The following ARHGAP44 variants were observed in gnomAD, a reference collection of about 807,000 sequenced individuals.
ARHGAP44 encodes rho GTPase-activating protein 44.
A neutral mutation model predicts 106.8 loss-of-function variants in ARHGAP44; 43 were observed. The ratio of observed to expected loss-of-function variants is 0.40; its 90% CI spans 0.32 to 0.52. The LOEUF (loss-of-function observed/expected upper bound fraction) is 0.52. ARHGAP44 is among the 20% of genes least tolerant of loss of function. ARHGAP44 has a pLI of 0.48. For missense variants in ARHGAP44, 866 were observed against 1,050.5 expected (o/e 0.82, Z 2.43); for synonymous variants, 439 against 410.3 (o/e 1.07, Z -0.85).
chr17:12,796,623 G>T (rs2033929980), intron 1 of ARHGAP44, among the ~76,000 whole-genome samples: 1 of 149,698 alleles, frequency 6.7e-6, no homozygotes, highest in South Asian at 2.1e-4. Context: ...TTGAGATGGA[G>T]TCTCACTCTG....
At chr17:12,862,692 A>G (rs2036121332) in intron 1 of ARHGAP44, among the ~76,000 whole-genome samples, 1 of 152,126 alleles carries the variant, frequency 6.6e-6, no homozygotes, top group Admixed American at 6.5e-5. Context: ...GAGCTGGTAG[A>G]ATCCTTTTTA....
chr17:12,952,630 G>A, intron 13 of ARHGAP44, 49 bp downstream of exon 13: 4 of 1,404,342 alleles, frequency 2.8e-6, no homozygotes, highest in Non-Finnish European at 3.9e-6. Flanking sequence ...GCTTATGTAA[G>A]CCTCAGAGAT....
intron 1 of ARHGAP44, among the ~76,000 whole-genome samples, chr17:12,833,930 G>GCACC (rs1234025462): frequency 6.6e-6 from 1 of 151,596 alleles, no homozygotes; most frequent in Non-Finnish European, 1.5e-5. Flanking sequence ...AGGGTAGCAG[G>GCACC]CTTCAGAGAG....
intron 3 of ARHGAP44, among the ~76,000 whole-genome samples, chr17:12,897,434 C>CT (rs11464642): frequency 0.3 from 42,189 of 140,480 alleles, 6,874 homozygotes; most frequent in Non-Finnish European, 0.39. Context: ...CGAGTCATTT[C>CT]TTTTTTTTTT....
rs571282509 is a variant in ARHGAP44 at position 12,915,867 on chromosome 17, G to A, written c.276-33G>A. The A allele has an allele frequency of 7.0e-6, 11 of 1,574,930 alleles. No homozygotes were observed. In the African/African-American group the frequency reaches 1.5e-4, roughly 21 times the overall value. On this transcript the variant is annotated intron_variant, in intron 4 of 20. Transcript: ENST00000379672. ...CGCCAGTGAAATGTTGTCTTCAAGA[G>A]TATTCACTATTTCTTTCCCCCTTGG...
intron 16 of ARHGAP44, among the ~76,000 whole-genome samples, chr17:12,971,756 C>T (rs532000327): frequency 6.6e-6 from 1 of 152,240 alleles, no homozygotes; most frequent in South Asian, 2.1e-4. Context: ...AAAGAGACAT[C>T]CCTCCCCTTT....
In ARHGAP44 at chr17:12,915,843, G is replaced by T. The variant is rs576578173; in HGVS notation, c.276-57G>T. On this transcript the variant is annotated intron_variant, in intron 4 of 20. Coordinates refer to ENST00000379672, the MANE Select transcript of ARHGAP44 (RefSeq NM_014859.6). Reference sequence around the variant, plus strand: ...AGCCAGGAGGTGAGGGGAGGGTAACGCCAGTGAAATGTTGTCTTCAAGAGT... The same window carrying T: ...AGCCAGGAGGTGAGGGGAGGGTAACTCCAGTGAAATGTTGTCTTCAAGAGT... 2.6e-5 allele frequency: 38 copies of T among 1,458,034 alleles called. No individual in the cohort carries two copies. The East Asian group carries it at 8.7e-4, about 33-fold the overall frequency. 90.3% of individuals were successfully genotyped at this position (1,458,034 alleles called of 1,614,324 possible).
At chr17:12,989,278 ATTT>A (rs58920583) in intron 20 of ARHGAP44, among the ~76,000 whole-genome samples, 2 of 151,476 alleles carry the variant, frequency 1.3e-5, no homozygotes, top group Non-Finnish European at 2.9e-5. Flanking sequence ...CAGCAAGGGG[ATTT>A]TTTTTAACGT....
At chr17:12,861,107 C>T (rs1418495506) in intron 1 of ARHGAP44, among the ~76,000 whole-genome samples, 8 of 152,160 alleles carry the variant, frequency 5.3e-5, no homozygotes, top group South Asian at 2.1e-4. Flanking sequence ...CTGCCCACCT[C>T]GCCCTCCCAA....
chr17:12,988,316 G>GTC (rs1427216422), intron 20 of ARHGAP44: 5 of 152,224 alleles, frequency 3.3e-5, no homozygotes, highest in African/African-American at 1.2e-4. Context: ...CTTGTCCAAG[G>GTC]TCATGCTCTT....
chr17:12,873,675 A>G (rs1255254333), intron 1 of ARHGAP44, among the ~76,000 whole-genome samples: 1 of 152,186 alleles, frequency 6.6e-6, no homozygotes, highest in Non-Finnish European at 1.5e-5. Flanking sequence ...AGGCAGATGG[A>G]TCACCTGAGG....
intron 4 of ARHGAP44, among the ~76,000 whole-genome samples, chr17:12,913,038 A>T (rs555666855): frequency 6.6e-6 from 1 of 152,200 alleles, no homozygotes; most frequent in Admixed American, 6.5e-5. Flanking sequence ...AGGAAGACAG[A>T]TGTGCCTTAG....
At chr17:12,839,804 A>C (rs137905227) in intron 1 of ARHGAP44, among the ~76,000 whole-genome samples, 1 of 152,138 alleles carries the variant, frequency 6.6e-6, no homozygotes. Context: ...CATGTGGATC[A>C]TATTTATTTT....
chr17:12,818,347 A>AAAAC (rs1555543604), intron 1 of ARHGAP44, among the ~76,000 whole-genome samples: 2 of 151,420 alleles, frequency 1.3e-5, no homozygotes, highest in East Asian at 3.9e-4. Context: ...AAAAAAAAAA[A>AAAAC]AAAAAACAAC....
chr17:12,929,159 T>C, intron 7 of ARHGAP44, 113 bp downstream of exon 7: 1 of 1,025,912 alleles, frequency 9.7e-7, no homozygotes, highest in Non-Finnish European at 1.4e-6. Flanking sequence ...CTAGTTGAAC[T>C]GAATGTCCCC....
intron 3 of ARHGAP44, among the ~76,000 whole-genome samples, chr17:12,904,146 A>G (rs1347617962): frequency 6.6e-6 from 1 of 151,996 alleles, no homozygotes; most frequent in Non-Finnish European, 1.5e-5. Context: ...TCGTTCTGTC[A>G]CCCAGGCTGG....
intron 3 of ARHGAP44, among the ~76,000 whole-genome samples, chr17:12,901,103 T>C (rs887710488): frequency 1.3e-5 from 2 of 151,974 alleles, no homozygotes; most frequent in African/African-American, 4.8e-5. Flanking sequence ...TTTGTATTTT[T>C]AGTAGAGACA....
chr17:12,851,167 C>T (rs144816283), intron 1 of ARHGAP44, among the ~76,000 whole-genome samples: 10 of 152,346 alleles, frequency 6.6e-5, no homozygotes, highest in African/African-American at 2.4e-4. Flanking sequence ...GCCTGTCAGC[C>T]ATGTGGCCTG....
rs201468353 is a variant in ARHGAP44, at chr17:12,855,527, T to G, written c.54-39413T>G. The stretch of plus-strand genomic sequence containing the variant: ...CCCTGATGTTTTTTTCAGCATTTTA[T>G]TTTTTTTTACAACTAATTTAATTCA... On this transcript the variant is annotated intron_variant, in intron 1 of 20. Coordinates refer to ENST00000379672, the MANE Select transcript of ARHGAP44 (RefSeq NM_014859.6). Among the ~76,000 whole-genome samples, 4 of 16,768 alleles carry G rather than the reference T, an allele frequency of 2.4e-4. No individual in the cohort carries two copies. In the East Asian group the frequency reaches 4.9e-3, roughly 21 times the overall value. 11.0% of individuals were successfully genotyped at this position (16,768 alleles called of 152,430 possible). A position where few individuals can be genotyped will look rare whatever the true frequency, so the allele number is the denominator to read the frequency against.
Sources: gnomAD v4.1 joint callset for allele counts (sites outside exome capture counted in the v4.1 genomes callset) on GRCh38, gnomAD v4.1.1 for gene constraint, MANE v1.5 for transcripts, NCBI Gene and HGNC (gene_info 2026-07-23, HGNC 2026-07-21) for gene names.